Variants in CASP6 observed in about 807,000 individuals in gnomAD.
CASP6 encodes caspase 6.
In CASP6, 20 loss-of-function variants were observed where a neutral mutation model predicts 31.8. That is an observed-to-expected ratio of 0.63 (90% CI 0.44 to 0.91). The LOEUF is 0.91. Ranked by LOEUF, CASP6 falls within the 40% of genes least tolerant of loss-of-function variation. The pLI is 0.00. For synonymous variants in CASP6, 130 were observed against 127.8 expected, an observed-to-expected ratio of 1.02 and a Z score of -0.12; for missense variants, 328 against 361.1, an observed-to-expected ratio of 0.91 and a Z score of 0.74.
chr4:109,707,999 C>A (rs1730653073), upstream of CASP6, among the ~76,000 whole-genome samples: 1 of 151,922 alleles, frequency 6.6e-6, no homozygotes, highest in African/African-American at 2.4e-5. Flanking sequence ...AAGTAAGCAA[C>A]CTTAGAGTGG....
At chr4:109,690,824 A>G (rs1730027214) in intron 6 of CASP6, 26 bp downstream of exon 6, 1 of 1,574,410 alleles carries the variant, frequency 6.4e-7, no homozygotes, top group Non-Finnish European at 8.6e-7. Context: ...AGAGGCAATT[A>G]TATGTTTGTT....
At chr4:109,692,088 A>AT (rs1278097780) in intron 5 of CASP6, 1 of 152,242 alleles carries the variant, frequency 6.6e-6, no homozygotes, top group East Asian at 1.9e-4. Context: ...TGGTTAAAGA[A>AT]TTATGAGCAT....
chr4:109,702,937 T>C (rs1730468436), intron 1 of CASP6: 1 of 177,986 alleles, frequency 5.6e-6, no homozygotes, highest in African/African-American at 2.4e-5. Context: ...CTTTTCACTT[T>C]TCGAAGTGAG....
rs140798160 is a variant in CASP6 at position 109,689,464 on chromosome 4, TGAG to T, written c.745_747del (p.Leu249del). 2.5e-4 allele frequency: 396 copies of T among 1,614,224 alleles called. No individual in the cohort carries two copies. In the African/African-American group the frequency reaches 4.6e-3, roughly 19 times the overall value. On this transcript the variant is annotated inframe_deletion, in exon 7 of 7. Coordinates refer to ENST00000265164, the MANE Select transcript of CASP6 (RefSeq NM_001226.4). ...TGAGAAACTTTCCTGTTCACCAGTG[TGAG>T]GAGTTCTGTGAACTCTAAGGAGGAG...
chr4:109,696,606 A>G, intron 3 of CASP6, 120 bp from the exon 4 acceptor site: 1 of 612,118 alleles, frequency 1.6e-6, no homozygotes, highest in Non-Finnish European at 2.8e-6. Flanking sequence ...TTAGGAGAAA[A>G]GAAATGAAAT....
At chr4:109,687,852 C>T (rs372921765), downstream of CASP6, 28 of 424,318 alleles carry the variant, frequency 6.6e-5, no homozygotes, top group East Asian at 6.1e-4. Context: ...GCTTGTCCCA[C>T]GTTTATTCTC....
intron 4 of CASP6, 108 bp from the exon 5 acceptor site, chr4:109,694,808 G>T: frequency 9.3e-7 from 1 of 1,075,506 alleles, no homozygotes; most frequent in Non-Finnish European, 1.3e-6. Flanking sequence ...CACATGATTG[G>T]GGAGGAGGAA....
Position 109,689,570 on chromosome 4 carries a change from T to TA in CASP6, c.644-3dup, listed in dbSNP as rs575274732. ...CAGTTTCCCGGTGAGAATAATATCC[T>TA]AAAAAAGTGAGAAGGAAAATGTTGC... On this transcript the variant is annotated splice_region_variant and splice_polypyrimidine_tract_variant and intron_variant, in intron 6 of 6. Transcript: ENST00000265164. 334 of 1,609,900 alleles carry TA rather than the reference T, an allele frequency of 2.1e-4. 1 individual carries two copies. In the African/African-American group the frequency reaches 3.6e-3, roughly 17 times the overall value.
chr4:109,678,877 A>G, the CASP6 span, among the ~76,000 whole-genome samples: 94 of 73,902 alleles, frequency 1.3e-3, no homozygotes, highest in Middle Eastern at 0.013. Context: ...CCGGGCAGAG[A>G]CACTCCCCAC....
chr4:109,700,602 G>T (rs117676612), intron 1 of CASP6, among the ~76,000 whole-genome samples: 519 of 151,838 alleles, frequency 3.4e-3, no homozygotes, highest in East Asian at 0.014. Flanking sequence ...TAAGTTTTTT[G>T]TTGTTGTTGT....
chr4:109,703,661 C>T (rs1447836009), upstream of CASP6: 1 of 537,414 alleles, frequency 1.9e-6, no homozygotes, highest in Admixed American at 3.3e-5. Flanking sequence ...CCTCCAGGCC[C>T]GCTGGGACTA....
At chr4:109,705,994 AAAAAAAAATATATAT>A (rs1233937179), upstream of CASP6, among the ~76,000 whole-genome samples, 71 of 70,914 alleles carry the variant, frequency 1.0e-3, 1 homozygote, top group East Asian at 7.9e-3. Flanking sequence ...AAAAAAAAAA[AAAAAAAAATATATAT>A]ATATATATAT....
chr4:109,694,793 A>G, intron 4 of CASP6, 93 bp from the exon 5 acceptor site: 1 of 1,219,558 alleles, frequency 8.2e-7, no homozygotes, highest in Non-Finnish European at 1.1e-6. Context: ...GAATAAAGTT[A>G]CATCCACATG....
At chr4:109,665,432 T>G in the CASP6 span, among the ~76,000 whole-genome samples, 2 of 152,112 alleles carry the variant, frequency 1.3e-5, no homozygotes, top group African/African-American at 4.8e-5. Context: ...AAAGTTGCAG[T>G]TTTCAAGAAC....
the CASP6 span, among the ~76,000 whole-genome samples, chr4:109,671,384 CA>C: frequency 6.6e-6 from 1 of 152,122 alleles, no homozygotes; most frequent in African/African-American, 2.4e-5. Flanking sequence ...AATTGTCCCA[CA>C]GTTCTTAGAT....
In CASP6 at chr4:109,694,670, C is replaced by T. The variant is rs1268546033; in HGVS notation, c.338G>A (p.Cys113Tyr). 5.0e-6 allele frequency: 8 copies of T among 1,602,914 alleles called. No homozygotes were observed. The highest frequency in any genetic ancestry group is 6.0e-6 in the Non-Finnish European group (7 of 1,175,540). ...VSTVSHADADCFVCVFLSHGE... is the reference protein window; with the variant it reads ...VSTVSHADADYFVCVFLSHGE... ...ATGGCTCAGGAAGACACACACAAAG[C>T]AATCGGCATCTGCGTGGCTAACAGT... Residue 113 changes from cysteine (C) to tyrosine (Y), a missense_variant, in exon 5 of 7, where the codon TGC becomes TAC. By Grantham distance (194) the Cys-to-Tyr change is radical (BLOSUM62 -2). Transcript: ENST00000265164.
At chr4:109,687,544 TTC>T (rs748728563), downstream of CASP6, 12 of 1,612,840 alleles carry the variant, frequency 7.4e-6, no homozygotes, top group South Asian at 3.3e-5. Context: ...AGGCGCGTCA[TTC>T]TCTCTGTTTG....
At chr4:109,675,052 A>G in the CASP6 span, among the ~76,000 whole-genome samples, 7 of 152,260 alleles carry the variant, frequency 4.6e-5, no homozygotes, top group East Asian at 9.6e-4. Flanking sequence ...TAGTGATAAC[A>G]TGGTATATGT....
chr4:109,666,969 CATT>C, the CASP6 span, among the ~76,000 whole-genome samples: 1 of 152,054 alleles, frequency 6.6e-6, no homozygotes. Flanking sequence ...TCTTTTTAGA[CATT>C]GTTGTATTTT....
Sources: allele counts gnomAD v4.1 joint callset (sites outside exome capture counted in the v4.1 genomes callset), GRCh38; gene constraint gnomAD v4.1.1; transcripts MANE v1.5; gene names NCBI Gene and HGNC (gene_info 2026-07-23, HGNC 2026-07-21).